Variants in MAN2A2 observed in about 807,000 individuals in gnomAD.
The protein encoded by MAN2A2 is mannosidase alpha class 2A member 2, also known as alpha-mannosidase 2x.
MAN2A2 carries 79 observed loss-of-function variants against 126.8 expected under a neutral mutation model. That is an observed-to-expected ratio of 0.62 (90% confidence interval 0.52 to 0.75). MAN2A2 has a LOEUF of 0.75. Ranked by LOEUF, MAN2A2 falls within the 30% of genes least tolerant of loss-of-function variation. The pLI is 0.00. For missense variants in MAN2A2, 1,392 were observed against 1,522.4 expected (o/e 0.91, Z 1.43); for synonymous variants, 671 against 618.7 (o/e 1.08, Z -1.25).
Position 90,910,331 on chromosome 15 carries a change from G to A in MAN2A2, c.1577+39G>A, listed in dbSNP as rs201047368. ...CCCGCTTCCAGGCTGGAGGGGGAGA[G>A]TCAGCCTTTGGGGTTTAAGGAGGGG... On this transcript the variant is annotated intron_variant, in intron 10 of 22. Transcript: ENST00000559717. 3 of 1,609,412 alleles carry A rather than the reference G, an allele frequency of 1.9e-6. No individual in the cohort carries two copies. The Admixed American group carries it at 5.0e-5, about 27-fold the overall frequency.
chr15:90,905,779 C>A (rs1285097742), intron 4 of MAN2A2, 56 bp downstream of exon 4: 15 of 1,605,036 alleles, frequency 9.3e-6, no homozygotes, highest in Non-Finnish European at 1.3e-5. Flanking sequence ...TTCTGATGGC[C>A]AATACAAGGG....
chr15:90,905,146 T>C (rs1299803051), intron 2 of MAN2A2, 105 bp from the exon 3 acceptor site: 3 of 1,286,816 alleles, frequency 2.3e-6, no homozygotes, highest in Non-Finnish European at 3.3e-6. Flanking sequence ...TGGCTTTGAC[T>C]GATGAGGGAA....
Position 90,905,252 on chromosome 15 carries a change from G to T in MAN2A2, c.134G>T (p.Ser45Ile). The change falls in exon 3 of 23, where the codon AGC becomes ATC. Residue 45 changes from serine (S) to isoleucine (I), a missense_variant and splice_region_variant. Physicochemically the swap from Ser to Ile is moderately radical, Grantham distance 142 (BLOSUM62 -2). Transcript: ENST00000559717. ...GATTGCTTTCTGGTTTTTTGGCAGAGCCAAATTTCTGTGCTGCAGAACCGC... is the reference window on the plus strand; with the variant it reads ...GATTGCTTTCTGGTTTTTTGGCAGATCCAAATTTCTGTGCTGCAGAACCGC... Reference protein sequence around the residue: ...RHQNGGNFPRSQISVLQNRIE... With the variant: ...RHQNGGNFPRIQISVLQNRIE... 6 of 1,611,502 alleles carry T rather than the reference G, an allele frequency of 3.7e-6. No homozygotes were observed. The South Asian group carries it at 5.5e-5, about 15-fold the overall frequency.
At chr15:90,913,250 C>T (rs779998226) in intron 17 of MAN2A2, 23 bp from the exon 18 acceptor site, 44 of 1,612,372 alleles carry the variant, frequency 2.7e-5, no homozygotes, top group Non-Finnish European at 3.6e-5. Context: ...CTGTCCATGC[C>T]CCCACTTTGT....
In MAN2A2 at chr15:90,911,189, C is replaced by T. The variant is rs1046780026; in HGVS notation, c.1894C>T (p.His632Tyr). The T allele has an allele frequency of 5.0e-6, 8 of 1,614,092 alleles. No individual in the cohort carries two copies. The African/African-American group carries it at 9.3e-5, about 19-fold the overall frequency. ...ATTCCAGGATGACACTCGCTTAAGT[C>T]ACGACGCCCTCCCAGAGCGCACGGT... is the stretch of plus-strand genomic sequence containing the variant. ...FLQVDDTRLS[H>Y]DALPERTVIQ... Residue 632 changes from histidine to tyrosine, a missense_variant, in exon 13 of 23, where the codon CAC becomes TAC. By Grantham distance (83) the His-to-Tyr change is moderately conservative. Transcript: ENST00000559717.
In MAN2A2 at chr15:90,919,937, C is replaced by A. The variant is rs1172213884; in HGVS notation, c.*150C>A. On this transcript the variant is annotated 3_prime_UTR_variant, in exon 23 of 23. Coordinates refer to ENST00000559717, the MANE Select transcript of MAN2A2 (RefSeq NM_006122.4). ...TGCCCTCATTTTCTGTTTATTGCTG[C>A]TGCTGTGTTTTCGGCGCAACCCACA... 1 of 967,504 alleles carries A rather than the reference C, an allele frequency of 1.0e-6. No homozygotes were observed. The highest frequency in any genetic ancestry group is 1.5e-6 in the Non-Finnish European group (1 of 662,048). 59.9% of individuals were successfully genotyped at this position (967,504 alleles called of 1,614,324 possible).
In MAN2A2 at chr15:90,909,545, G is replaced by A. The variant is rs1273596319; in HGVS notation, c.1374+41G>A. On this transcript the variant is annotated intron_variant, in intron 9 of 22. Transcript: ENST00000559717. ...GACTGGGGAGGGGCCTCACAGTGCT[G>A]CAGCCCATCCCTTCCCGTGAGACCG... 22 of 1,581,726 alleles carry A rather than the reference G, an allele frequency of 1.4e-5. No individual in the cohort carries two copies. The Admixed American group carries it at 2.7e-4, about 20-fold the overall frequency.
At chr15:90,919,598 A>G (rs1439358354) in intron 22 of MAN2A2, 37 bp from the exon 23 acceptor site, 2 of 1,607,116 alleles carry the variant, frequency 1.2e-6, no homozygotes, top group South Asian at 2.2e-5. Context: ...GTGTCTCGGC[A>G]CCTAGCACAA....
At chr15:90,910,007 C>T in intron 9 of MAN2A2, 83 bp from the exon 10 acceptor site, 1 of 1,256,340 alleles carries the variant, frequency 8.0e-7, no homozygotes, top group Non-Finnish European at 1.1e-6. Context: ...AGAGCCCCTG[C>T]CTCACCCCCA....
At chr15:90,916,365 A>T in intron 20 of MAN2A2, 109 bp downstream of exon 20, 1 of 1,415,820 alleles carries the variant, frequency 7.1e-7, no homozygotes, top group South Asian at 1.3e-5. Context: ...GGCAAGAGAG[A>T]GAGAGTAGGG....
Position 90,913,739 on chromosome 15 carries a change from C to G in MAN2A2, c.2844C>G (p.Val948=), listed in dbSNP as rs770360277. ...LTLHTAQALG[V]SSLKDGQLEV... ...TGCACACTGCCCAGGCCCTGGGTGT[C>G]TCTAGCCTCAAAGATGGTGAGTAGG... is the stretch of plus-strand genomic sequence containing the variant. The change falls in exon 19 of 23, where the codon GTC becomes GTG. Residue 948 remains valine (V), a synonymous_variant. Transcript: ENST00000559717. 6.3e-7 allele frequency: 1 copy of G among 1,596,622 alleles called. No individual in the cohort carries two copies. Among genetic ancestry groups the G allele is most frequent in the Non-Finnish European group, 8.5e-7 (1 of 1,170,708 alleles).
chr15:90,905,987 C>G lies in MAN2A2; in HGVS notation c.678C>G (p.Ile226Met). 6.2e-7 allele frequency: 1 copy of G among 1,614,044 alleles called. No homozygotes were observed. ...TCTTCGCCAAGTGGTGGGACAACAT[C>G]AATGTCCAAAAGAGAGCGGCAGTCC... is the stretch of plus-strand genomic sequence containing the variant. ...VSFFAKWWDN[I>M]NVQKRAAVRR... The change falls in exon 5 of 23, where the codon ATC (isoleucine) becomes ATG (methionine). Residue 226 changes from isoleucine (I) to methionine (M), a missense_variant. By Grantham distance (10) the Ile-to-Met change is conservative. Transcript: ENST00000559717.
rs149243142 is a variant in MAN2A2, at chr15:90,911,111, G to GT, written c.1876-59dup. 1.7e-3 allele frequency: 2,624 copies of GT among 1,577,524 alleles called. 33 individuals carry two copies. In the African/African-American group the frequency reaches 0.032, roughly 19 times the overall value. The stretch of plus-strand genomic sequence containing the variant: ...AGCCGCTGGTCCACACCTGGGACAG[G>GT]TGGGGTGGGAGGAGGCTGAGCCCAT... On this transcript the variant is annotated intron_variant, in intron 12 of 22. Coordinates refer to ENST00000559717, the MANE Select transcript of MAN2A2 (RefSeq NM_006122.4).
chr15:90,906,771 C>T lies in MAN2A2; in HGVS notation c.867C>T (p.Asp289=). 4 of 1,613,414 alleles carry T rather than the reference C, an allele frequency of 2.5e-6. No homozygotes were observed. The highest frequency in any genetic ancestry group is 3.4e-6 in the Non-Finnish European group (4 of 1,179,966). The change falls in exon 7 of 23, where the codon GAC becomes GAT. Residue 289 remains aspartate, a synonymous_variant. Coordinates refer to ENST00000559717, the MANE Select transcript of MAN2A2 (RefSeq NM_006122.4). ...GATPRSGWAV[D]PFGYSSTMPY... is the part of the protein sequence containing the mutation. Reference sequence around the variant, plus strand: ...CCCCCCGCTCTGGCTGGGCAGTGGACCCCTTTGGATACAGCTCCACCATGC... The same window carrying T: ...CCCCCCGCTCTGGCTGGGCAGTGGATCCCTTTGGATACAGCTCCACCATGC...
chr15:90,920,706 A>G lies in MAN2A2; in HGVS notation c.*919A>G, dbSNP rs1459098166. The G allele has an allele frequency of 6.6e-6, 1 of 152,228 alleles. No individual in the cohort carries two copies. The highest frequency in any genetic ancestry group is 1.5e-5 in the Non-Finnish European group (1 of 68,060). 9.4% of individuals were successfully genotyped at this position (152,228 alleles called of 1,614,324 possible). Reference sequence around the variant, plus strand: ...AGACTCCATGTGCTTGGGCAGCTTGAGAAGGCGTTCAGCACCACGCCTAGC... The same window carrying G: ...AGACTCCATGTGCTTGGGCAGCTTGGGAAGGCGTTCAGCACCACGCCTAGC... On this transcript the variant is annotated 3_prime_UTR_variant, in exon 23 of 23. Transcript: ENST00000559717.
intron 20 of MAN2A2, 57 bp from the exon 21 acceptor site, chr15:90,918,137 T>G: frequency 6.6e-7 from 1 of 1,523,040 alleles, no homozygotes; most frequent in African/African-American, 1.4e-5. Context: ...TCCTGCCTCG[T>G]CCTCTCCCCT....
intron 20 of MAN2A2, 133 bp downstream of exon 20, chr15:90,916,389 G>A: frequency 7.8e-7 from 1 of 1,281,124 alleles, no homozygotes; most frequent in South Asian, 1.4e-5. Context: ...AATTCCTGGG[G>A]TGGGGGGAGG....
chr15:90,918,451 CTCCT>C (rs1253076859), intron 21 of MAN2A2, 63 bp downstream of exon 21: 3 of 1,532,062 alleles, frequency 2.0e-6, no homozygotes, highest in Non-Finnish European at 2.7e-6. Flanking sequence ...CCCTGCTCAG[CTCCT>C]TCCTTAGCCT....
chr15:90,905,073 A>AGT (rs2034157362), intron 2 of MAN2A2, among the ~76,000 whole-genome samples, 178 bp from the exon 3 acceptor site: 1 of 151,960 alleles, frequency 6.6e-6, no homozygotes, highest in Non-Finnish European at 1.5e-5. Flanking sequence ...TGTAGTCCTC[A>AGT]GTGGTGATCT....
Sources: gnomAD v4.1 joint callset for allele counts (sites outside exome capture counted in the v4.1 genomes callset) on GRCh38, gnomAD v4.1.1 for gene constraint, MANE v1.5 for transcripts, NCBI Gene and HGNC (gene_info 2026-07-23, HGNC 2026-07-21) for gene names.